Variants in FOXN3 observed in about 807,000 individuals in gnomAD.
The protein encoded by FOXN3 is forkhead box N3.
In FOXN3, 7 loss-of-function variants were observed where a neutral mutation model predicts 38.4. The ratio of observed to expected loss-of-function variants is 0.18; its 90% CI spans 0.10 to 0.34. The LOEUF is 0.34. FOXN3 is among the 10% of genes least tolerant of loss of function. The pLI is 1.00. For synonymous variants in FOXN3, 230 were observed against 242.2 expected, an observed-to-expected ratio of 0.95 and a Z score of 0.47; for missense variants, 456 against 613.4, an observed-to-expected ratio of 0.74 and a Z score of 2.71.
chr14:89,343,201 C>A (rs1189717371), intron 3 of FOXN3, among the ~76,000 whole-genome samples: 1 of 152,172 alleles, frequency 6.6e-6, no homozygotes, highest in African/African-American at 2.4e-5. Context: ...TGTGCAAATT[C>A]AGCATTCTGA....
intron 3 of FOXN3, among the ~76,000 whole-genome samples, chr14:89,301,693 G>A (rs913282403): frequency 2.6e-5 from 4 of 151,712 alleles, no homozygotes; most frequent in East Asian, 1.9e-4. Flanking sequence ...GCTTGAACCC[G>A]GGAGGCAGAG....
chr14:89,276,477 G>A (rs1010722654), intron 4 of FOXN3, among the ~76,000 whole-genome samples: 1 of 152,338 alleles, frequency 6.6e-6, no homozygotes, highest in South Asian at 2.1e-4. Flanking sequence ...TCACTGGAAA[G>A]GTTTGTAAAA....
chr14:89,189,346 C>A (rs570346378), intron 4 of FOXN3, among the ~76,000 whole-genome samples: 1 of 152,260 alleles, frequency 6.6e-6, no homozygotes, highest in East Asian at 1.9e-4. Context: ...GCCATGTGGC[C>A]CTCAGAGAGC....
intron 4 of FOXN3, among the ~76,000 whole-genome samples, chr14:89,237,646 AG>A (rs1326584854): frequency 3.9e-5 from 6 of 152,216 alleles, no homozygotes; most frequent in Admixed American, 2.6e-4. Context: ...ATGTGAATCT[AG>A]GATCATCTCA....
chr14:89,165,374 T>C (rs540084374), intron 5 of FOXN3, among the ~76,000 whole-genome samples: 1 of 152,376 alleles, frequency 6.6e-6, no homozygotes, highest in Non-Finnish European at 1.5e-5. Context: ...TTGTGGTGCC[T>C]GATCATGTTT....
chr14:89,506,643 G>A (rs1893946269), intron 1 of FOXN3, among the ~76,000 whole-genome samples: 1 of 152,178 alleles, frequency 6.6e-6, no homozygotes. Flanking sequence ...AGCTCATTGA[G>A]AACGGGCCAG....
At chr14:89,341,963 C>G (rs1404771776) in intron 3 of FOXN3, among the ~76,000 whole-genome samples, 1 of 152,152 alleles carries the variant, frequency 6.6e-6, no homozygotes, top group Admixed American at 6.5e-5. Context: ...GCAAAGACTC[C>G]AGGCACCTAC....
chr14:89,309,908 A>G (rs1887481000), intron 3 of FOXN3, among the ~76,000 whole-genome samples: 1 of 152,232 alleles, frequency 6.6e-6, no homozygotes, highest in Non-Finnish European at 1.5e-5. Flanking sequence ...TAAGTCACCA[A>G]GACTGGGCAA....
At position 89,165,159 on chromosome 14, in the gene FOXN3, G is replaced by A. The variant is rs149829451; in HGVS notation, c.852-2190C>T. On this transcript the variant is annotated intron_variant, in intron 5 of 5. Transcript: ENST00000557258. The stretch of plus-strand genomic sequence containing the variant: ...GGTCCCAGCTTGTGTCCTGTGCTCC[G>A]TGATCCCAGATACACACCACCTCCC... 1.1e-3 allele frequency among the ~76,000 whole-genome samples: 174 copies of A among 152,254 alleles called. 2 individuals carry two copies. The highest frequency in any genetic ancestry group is 9.9e-3 in the East Asian group (51 of 5,176).
chr14:89,318,836 T>A (rs981360734), intron 3 of FOXN3, among the ~76,000 whole-genome samples: 1 of 152,218 alleles, frequency 6.6e-6, no homozygotes, highest in Non-Finnish European at 1.5e-5. Flanking sequence ...GCCGACCCGA[T>A]GCATCTGTAT....
At chr14:89,190,386 C>A in intron 4 of FOXN3, 1 of 1,612,658 alleles carries the variant, frequency 6.2e-7, no homozygotes, top group South Asian at 1.1e-5. Context: ...CTACTCACAA[C>A]CTGCTTGTAT....
intron 5 of FOXN3, among the ~76,000 whole-genome samples, chr14:89,175,021 G>A (rs549769990): frequency 6.6e-6 from 1 of 152,214 alleles, no homozygotes; most frequent in Non-Finnish European, 1.5e-5. Flanking sequence ...ACTAAAGGTT[G>A]CCACCTTCCT....
At chr14:89,396,649 T>G (rs1292750675) in intron 2 of FOXN3, among the ~76,000 whole-genome samples, 1 of 152,000 alleles carries the variant, frequency 6.6e-6, no homozygotes, top group South Asian at 2.1e-4. Flanking sequence ...CTGGCCAACA[T>G]GGTGAAACCC....
chr14:89,328,985 C>T (rs17125695), intron 3 of FOXN3, among the ~76,000 whole-genome samples: 27,208 of 152,146 alleles, frequency 0.18, 2,538 homozygotes, highest in African/African-American at 0.22. Context: ...GGATGCAGGC[C>T]TCCTCCATCT....
rs527637844 is a variant in FOXN3, at chr14:89,344,906, A to G, written c.680+5766T>C. Among the ~76,000 whole-genome samples, 204 of 152,334 alleles carry G rather than the reference A, an allele frequency of 1.3e-3. 1 individual carries two copies. The highest frequency in any genetic ancestry group is 8.8e-4 in the Non-Finnish European group (60 of 68,026). ...TAGGAAGGAGGGGCACAGGCAACAT[A>G]AAGATTAGAACAGCTCAGTGGACTT... On this transcript the variant is annotated intron_variant, in intron 3 of 5. Transcript: ENST00000557258.
intron 1 of FOXN3, among the ~76,000 whole-genome samples, chr14:89,610,453 C>T (rs573621995): frequency 2.6e-5 from 4 of 152,362 alleles, no homozygotes; most frequent in African/African-American, 7.2e-5. Context: ...GGATAACTCA[C>T]GACTGGCTGC....
intron 3 of FOXN3, among the ~76,000 whole-genome samples, chr14:89,288,710 CTCTCTCTCTCTCTCTATATATATATATA>C (rs1886741711): frequency 7.4e-4 from 56 of 75,868 alleles, no homozygotes; most frequent in African/African-American, 2.0e-3. Flanking sequence ...CTCTCTCTCT[CTCTCTCTCTCTCTCTATATATATATATA>C]TATATATATA....
intron 4 of FOXN3, among the ~76,000 whole-genome samples, chr14:89,268,494 A>T (rs769688603): frequency 6.6e-6 from 1 of 152,258 alleles, no homozygotes; most frequent in Non-Finnish European, 1.5e-5. Context: ...GACTGTACAT[A>T]AGAAAAACCC....
At chr14:89,363,742 G>C (rs980620397) in intron 2 of FOXN3, among the ~76,000 whole-genome samples, 3 of 151,974 alleles carry the variant, frequency 2.0e-5, no homozygotes, top group Non-Finnish European at 2.9e-5. Flanking sequence ...ACAGAACAGA[G>C]CCAAGTTATT....
Sources: allele counts gnomAD v4.1 joint callset (sites outside exome capture counted in the v4.1 genomes callset), GRCh38; gene constraint gnomAD v4.1.1; transcripts MANE v1.5; gene names NCBI Gene and HGNC (gene_info 2026-07-23, HGNC 2026-07-21).